The following ULK2 variants were observed in gnomAD, a reference collection of about 807,000 sequenced individuals.
ULK2 encodes unc-51 like autophagy activating kinase 2.
Under a neutral mutation model 127.5 loss-of-function variants are expected in ULK2, and 76 were observed. That is an observed-to-expected ratio of 0.60 (90% CI 0.50 to 0.72). The LOEUF (loss-of-function observed/expected upper bound fraction) is 0.72. ULK2 is among the 30% of genes least tolerant of loss of function. The probability of loss-of-function intolerance (pLI) is 0.00; values close to 1 mark genes in which losing one functional copy is unlikely to be tolerated. For missense variants in ULK2, 1,144 were observed against 1,295.9 expected, an observed-to-expected ratio of 0.88 and a Z score of 1.80; for synonymous variants, 452 against 461.9, an observed-to-expected ratio of 0.98 and a Z score of 0.28.
At chr17:19,829,500 G>A (rs1412732370) in intron 10 of ULK2, among the ~76,000 whole-genome samples, 8 of 121,860 alleles carry the variant, frequency 6.6e-5, no homozygotes, top group African/African-American at 1.9e-4. Context: ...CTGCACCACC[G>A]CACTCCAGAC....
At chr17:19,814,872 T>C (rs192537826) in intron 13 of ULK2, among the ~76,000 whole-genome samples, 2 of 152,106 alleles carry the variant, frequency 1.3e-5, no homozygotes, top group East Asian at 1.9e-4. Flanking sequence ...AGTGAAAAGG[T>C]AGAAGTAACC....
chr17:19,841,583 T>C (rs774409612), intron 8 of ULK2, 36 bp from the exon 9 acceptor site: 5 of 1,506,038 alleles, frequency 3.3e-6, no homozygotes, highest in East Asian at 4.7e-5. Context: ...TCCTAAACAA[T>C]GGGGGCAAAA....
At chr17:19,854,129 T>C (rs1042122939) in intron 3 of ULK2, among the ~76,000 whole-genome samples, 7 of 151,756 alleles carry the variant, frequency 4.6e-5, no homozygotes, top group Non-Finnish European at 8.8e-5. Context: ...AACACAAAAA[T>C]TAGCTGGGTG....
chr17:19,827,953 T>C (rs909882659), intron 10 of ULK2, among the ~76,000 whole-genome samples: 25 of 148,924 alleles, frequency 1.7e-4, no homozygotes, highest in African/African-American at 5.4e-4. Context: ...TAAGATAAAC[T>C]GATGAGACCC....
intron 13 of ULK2, among the ~76,000 whole-genome samples, chr17:19,815,055 C>T (rs552827929): frequency 1.3e-5 from 2 of 152,240 alleles, no homozygotes; most frequent in East Asian, 1.9e-4. Context: ...ATCATGCTGG[C>T]ACTCTAAAAG....
chr17:19,822,541 GA>G lies in ULK2; in HGVS notation c.924+2552del, dbSNP rs376365083. On this transcript the variant is annotated intron_variant, in intron 12 of 26. Coordinates refer to ENST00000395544, the MANE Select transcript of ULK2 (RefSeq NM_014683.4). Reference sequence around the variant, plus strand: ...CACGCCCAGCCAATTTTTGTTATTTGAAAAAACACCAAGACAGGGTTTTGGC... The same window carrying G: ...CACGCCCAGCCAATTTTTGTTATTTGAAAAACACCAAGACAGGGTTTTGGC... 6.2e-4 allele frequency among the ~76,000 whole-genome samples: 93 copies of G among 149,532 alleles called. 2 individuals are homozygous for G. In the East Asian group the frequency reaches 0.018, roughly 28 times the overall value.
chr17:19,840,218 G>T, intron 9 of ULK2: 1 of 502,716 alleles, frequency 2.0e-6, no homozygotes, highest in South Asian at 1.5e-5. Flanking sequence ...ACACCCGACG[G>T]GCGCAAGTTG....
At position 19,826,254 on chromosome 17, in the gene ULK2, T is replaced by C. The variant is rs1597775615; in HGVS notation, c.788-68A>G. 50 of 963,312 alleles carry C rather than the reference T, an allele frequency of 5.2e-5. 1 individual carries two copies. In the East Asian group the frequency reaches 1.5e-3, roughly 28 times the overall value. The allele number at this position is 963,312 out of a possible 1,614,324, so 59.7% of individuals were successfully genotyped here. On this transcript the variant is annotated intron_variant, in intron 10 of 26. Coordinates refer to ENST00000395544, the MANE Select transcript of ULK2 (RefSeq NM_014683.4). ...CTAAACTATCAACCAGGTTATTTTT[T>C]CTCAACGTATTCAATATAATGTCTT... is the stretch of plus-strand genomic sequence containing the variant.
chr17:19,829,552 G>GGGC (rs2041381825), intron 10 of ULK2, among the ~76,000 whole-genome samples: 1 of 140,778 alleles, frequency 7.1e-6, no homozygotes, highest in South Asian at 2.3e-4. Flanking sequence ...AAAAAAAGGG[G>GGGC]GGGGGCTGGG....
At chr17:19,846,359 G>A (rs2041882033) in intron 6 of ULK2, among the ~76,000 whole-genome samples, 1 of 151,950 alleles carries the variant, frequency 6.6e-6, no homozygotes, top group Admixed American at 6.6e-5. Flanking sequence ...CCATCATCTG[G>A]CCAGGTGTGG....
In ULK2 at chr17:19,771,528, TC is replaced by T. The variant is rs1209074786; in HGVS notation, c.*4820del. On this transcript the variant is annotated 3_prime_UTR_variant, in exon 27 of 27. Transcript: ENST00000395544. The stretch of plus-strand genomic sequence containing the variant: ...ACAGAACAAATTGTTCTCCACCCCC[TC>T]CCAAAACAAAACAAAAGCAGTGAAG... 3 of 151,842 alleles carry T rather than the reference TC, an allele frequency of 2.0e-5. No homozygotes were observed. Among genetic ancestry groups the T allele is most frequent in the African/African-American group, 7.3e-5 (3 of 41,262 alleles). 9.4% of individuals were successfully genotyped at this position (151,842 alleles called of 1,614,324 possible). A position where few individuals can be genotyped will look rare whatever the true frequency, so the allele number is the denominator to read the frequency against.
chr17:19,793,186 G>A (rs993041221), intron 20 of ULK2, among the ~76,000 whole-genome samples: 10 of 152,140 alleles, frequency 6.6e-5, no homozygotes, highest in Non-Finnish European at 1.5e-4. Context: ...AAGCGGGGAA[G>A]AGCCCCTTAT....
At chr17:19,817,077 T>C (rs1279659595) in intron 12 of ULK2, among the ~76,000 whole-genome samples, 157 bp from the exon 13 acceptor site, 2 of 152,244 alleles carry the variant, frequency 1.3e-5, no homozygotes, top group East Asian at 3.8e-4. Context: ...AAAGCTTTCC[T>C]TTAGAAAACC....
chr17:19,839,635 C>T (rs2041688349), intron 9 of ULK2, among the ~76,000 whole-genome samples: 1 of 145,414 alleles, frequency 6.9e-6, no homozygotes, highest in South Asian at 2.2e-4. Flanking sequence ...ACACTCCAGC[C>T]TGGCAACAGA....
rs559365602 is a variant in ULK2, at chr17:19,806,686, A to G, written c.1158-1856T>C. Among the ~76,000 whole-genome samples, 79 of 152,316 alleles carry G rather than the reference A, an allele frequency of 5.2e-4. No homozygotes were observed. In the South Asian group the frequency reaches 0.016, roughly 32 times the overall value. ...AACTTAATATTAACACCAATATTTA[A>G]CCATCTTCAACTCCCTGAGTCCAAG... is the stretch of plus-strand genomic sequence containing the variant. On this transcript the variant is annotated intron_variant, in intron 14 of 26. Transcript: ENST00000395544.
intron 6 of ULK2, 52 bp downstream of exon 6, chr17:19,846,684 TA>T: frequency 6.7e-7 from 1 of 1,490,552 alleles, no homozygotes; most frequent in Admixed American, 2.3e-5. Flanking sequence ...TAAAGTTGTC[TA>T]AAAATAGTTT....
At position 19,801,931 on chromosome 17, in the gene ULK2, T is replaced by C; in HGVS notation, c.1296-9A>G. On this transcript the variant is annotated splice_polypyrimidine_tract_variant and intron_variant, in intron 15 of 26. Transcript: ENST00000395544. ...TTCGTACCACTGCAGATCTGAAAAG[T>C]AAATTATTCCTTCTATAAAAGGTTC... 6.3e-7 allele frequency: 1 copy of C among 1,584,066 alleles called. No homozygotes were observed. Among genetic ancestry groups the C allele is most frequent in the Non-Finnish European group, 8.5e-7 (1 of 1,171,210 alleles).
At position 19,825,117 on chromosome 17, in the gene ULK2, A is replaced by T. The variant is rs777253117; in HGVS notation, c.901T>A (p.Ser301Thr). The change falls in exon 12 of 27, where the codon TCT (serine) becomes ACT (threonine). Residue 301 changes from serine (S) to threonine (T), a missense_variant. This residue lies in a region of ULK2 where 913 missense variants were observed against 970.5 expected (regional missense o/e 0.94). Transcript: ENST00000395544. ...VSGSSCGSSP[S>T]CRFASPPSLP... ...ACTGGTGGAGAAGCAAAACGACAAG[A>T]TGGAGAGCTGCCACAGGAGCTTCCA... 6 of 1,614,208 alleles carry T rather than the reference A, an allele frequency of 3.7e-6. No individual in the cohort carries two copies. In the South Asian group the frequency reaches 6.6e-5, roughly 18 times the overall value.
In ULK2 at chr17:19,815,467, G is replaced by C. The variant is rs936997243; in HGVS notation, c.1096+1282C>G. Among the ~76,000 whole-genome samples, 3 of 152,140 alleles carry C rather than the reference G, an allele frequency of 2.0e-5. No homozygotes were observed. The South Asian group carries it at 6.2e-4, about 31-fold the overall frequency. On this transcript the variant is annotated intron_variant, in intron 13 of 26. Coordinates refer to ENST00000395544, the MANE Select transcript of ULK2 (RefSeq NM_014683.4). ...CTGGCTAATTTTTGTATTTTTAGTA[G>C]AGACGGGGTTTCACCATGTTGGTCA...
Sources: gnomAD v4.1 joint callset for allele counts (sites outside exome capture counted in the v4.1 genomes callset) on GRCh38, gnomAD v4.1.1 for gene constraint, gnomAD v4.1.1 regional missense constraint, MANE v1.5 for transcripts, NCBI Gene and HGNC (gene_info 2026-07-23, HGNC 2026-07-21) for gene names.